Variants in CNTLN observed in about 807,000 individuals in gnomAD.
CNTLN encodes centlein, centrosomal protein.
In CNTLN, 212 loss-of-function variants were observed where a neutral mutation model predicts 180.0. The ratio of observed to expected loss-of-function variants is 1.18; its 90% CI spans 1.05 to 1.32. CNTLN has a LOEUF of 1.32. Among genes scored for constraint, CNTLN ranks in the 40% most tolerant of loss-of-function variants. CNTLN has a pLI of 0.00. For synonymous variants in CNTLN, 722 were observed against 563.1 expected, an observed-to-expected ratio of 1.28 and a Z score of -3.99; for missense variants, 2,095 against 1,610.9, an observed-to-expected ratio of 1.30 and a Z score of -5.14.
intron 2 of CNTLN, among the ~76,000 whole-genome samples, chr9:17,193,395 G>A (rs140821367): frequency 0.019 from 2,817 of 152,224 alleles, 56 homozygotes; most frequent in African/African-American, 0.048. Flanking sequence ...GATACAATGG[G>A]GGTACAGGTA....
intron 8 of CNTLN, among the ~76,000 whole-genome samples, chr9:17,328,819 T>C (rs1030851933): frequency 1.3e-5 from 2 of 152,160 alleles, no homozygotes; most frequent in Admixed American, 1.3e-4. Context: ...TGTGAAGTTC[T>C]CTGATTTTTT....
At chr9:17,464,651 A>G in intron 21 of CNTLN, 28 bp downstream of exon 21, 1 of 1,319,476 alleles carries the variant, frequency 7.6e-7, no homozygotes, top group Non-Finnish European at 1.0e-6. Flanking sequence ...TACTGACACT[A>G]AAAATATCAC....
At chr9:17,381,837 C>G (rs1377176751) in intron 13 of CNTLN, among the ~76,000 whole-genome samples, 3 of 152,130 alleles carry the variant, frequency 2.0e-5, no homozygotes, top group Non-Finnish European at 4.4e-5. Context: ...AATCCCAGTC[C>G]CAGGCTGAAG....
In CNTLN at chr9:17,135,099, T is replaced by G. The variant is rs1586873441; in HGVS notation, c.34T>G (p.Ser12Ala). Reference protein sequence around the residue: ...AARSPPSPHPSPPARQLGPRS... With the variant: ...AARSPPSPHPAPPARQLGPRS... ...GCGTTCGCCTCCCTCACCGCACCCT[T>G]CGCCCCCAGCGCGACAGCTGGGCCC... The change falls in exon 1 of 26, where the codon TCG becomes GCG. Residue 12 changes from serine to alanine, a missense_variant. Ser to Ala is a moderately conservative substitution (Grantham distance 99). Transcript: ENST00000380647. 1 of 1,605,118 alleles carries G rather than the reference T, an allele frequency of 6.2e-7. No individual in the cohort carries two copies. The highest frequency in any genetic ancestry group is 1.8e-4 in the Middle Eastern group (1 of 5,470).
chr9:17,416,346 G>A (rs189177411), intron 18 of CNTLN, among the ~76,000 whole-genome samples, 157 bp downstream of exon 18: 165 of 152,254 alleles, frequency 1.1e-3, no homozygotes, highest in African/African-American at 3.6e-3. Flanking sequence ...TTAATTACTG[G>A]ACTTCTTTAA....
chr9:17,219,857 C>CT (rs1281611793), intron 2 of CNTLN, among the ~76,000 whole-genome samples: 1 of 151,974 alleles, frequency 6.6e-6, no homozygotes, highest in Non-Finnish European at 1.5e-5. Context: ...AAATGGCTGC[C>CT]TTTTTGTTGT....
Position 17,502,689 on chromosome 9 carries a change from T to A in CNTLN, c.*37T>A. ...AGAGCTTTATTGCAAATGTGAAAAC[T>A]TTTTATGTGGTGTGATTGGAATACA... On this transcript the variant is annotated 3_prime_UTR_variant, in exon 26 of 26. Transcript: ENST00000380647. 1.2e-6 allele frequency: 1 copy of A among 814,182 alleles called. No individual in the cohort carries two copies. Among genetic ancestry groups the A allele is most frequent in the Middle Eastern group, 2.4e-4 (1 of 4,202 alleles). 50.4% of individuals were successfully genotyped at this position (814,182 alleles called of 1,614,324 possible). A position where few individuals can be genotyped will look rare whatever the true frequency, so the allele number is the denominator to read the frequency against.
intron 6 of CNTLN, among the ~76,000 whole-genome samples, chr9:17,294,591 A>T (rs183616139): frequency 6.7e-6 from 1 of 149,752 alleles, no homozygotes; most frequent in African/African-American, 2.5e-5. Flanking sequence ...CCAAGTCCCC[A>T]CTAGACTCAG....
intron 23 of CNTLN, among the ~76,000 whole-genome samples, chr9:17,469,551 A>C (rs902169954): frequency 2.0e-4 from 30 of 151,790 alleles, no homozygotes; most frequent in African/African-American, 7.0e-4. Flanking sequence ...GCAGCATATC[A>C]TCAATGACTC....
chr9:17,147,573 T>C (rs189443509), intron 2 of CNTLN, among the ~76,000 whole-genome samples: 11 of 152,296 alleles, frequency 7.2e-5, no homozygotes, highest in African/African-American at 2.6e-4. Flanking sequence ...TATGAGTCTA[T>C]GCTTCTGTTT....
At chr9:17,316,084 C>G (rs1389397943) in intron 8 of CNTLN, among the ~76,000 whole-genome samples, 1 of 151,696 alleles carries the variant, frequency 6.6e-6, no homozygotes, top group Non-Finnish European at 1.5e-5. Flanking sequence ...CTCTTTAATT[C>G]TATCAGGTTT....
intron 2 of CNTLN, among the ~76,000 whole-genome samples, chr9:17,178,494 G>T (rs1050977279): frequency 1.3e-5 from 2 of 152,076 alleles, no homozygotes; most frequent in South Asian, 4.1e-4. Flanking sequence ...CGGGCTGCCC[G>T]GGATCCCACA....
At chr9:17,312,902 T>C (rs1160037485) in intron 8 of CNTLN, among the ~76,000 whole-genome samples, 1 of 152,180 alleles carries the variant, frequency 6.6e-6, no homozygotes, top group Non-Finnish European at 1.5e-5. Flanking sequence ...TTTCTATCAA[T>C]TGCTTTAGAA....
intron 2 of CNTLN, among the ~76,000 whole-genome samples, chr9:17,187,847 A>G (rs909754183): frequency 2.0e-5 from 3 of 151,620 alleles, no homozygotes; most frequent in Non-Finnish European, 3.0e-5. Flanking sequence ...CCTATGTAAT[A>G]TGTAACCAGA....
chr9:17,306,794 G>T (rs1818746684), intron 7 of CNTLN, among the ~76,000 whole-genome samples: 1 of 152,088 alleles, frequency 6.6e-6, no homozygotes, highest in South Asian at 2.1e-4. Context: ...GGATTAATTT[G>T]TACTGATTGG....
chr9:17,285,640 A>G (rs1587491501), intron 6 of CNTLN, among the ~76,000 whole-genome samples: 1 of 103,232 alleles, frequency 9.7e-6, no homozygotes. Context: ...AAGTGTTCCT[A>G]TTTCTCCACA....
chr9:17,227,362 G>A (rs1168280084), intron 3 of CNTLN, among the ~76,000 whole-genome samples: 1 of 151,834 alleles, frequency 6.6e-6, no homozygotes, highest in Non-Finnish European at 1.5e-5. Context: ...TATATAATCA[G>A]TATGTAATCA....
chr9:17,237,652 G>A (rs993106536), intron 5 of CNTLN, among the ~76,000 whole-genome samples: 2 of 152,042 alleles, frequency 1.3e-5, no homozygotes, highest in Admixed American at 6.6e-5. Context: ...TTTTATATAA[G>A]AGACTTAAAG....
intron 12 of CNTLN, among the ~76,000 whole-genome samples, chr9:17,360,373 A>T (rs527572015): frequency 3.3e-5 from 5 of 152,306 alleles, no homozygotes; most frequent in African/African-American, 1.2e-4. Context: ...TAGCTAAGGT[A>T]GAGGTCAGTG....
Sources: gnomAD v4.1 joint callset for allele counts (sites outside exome capture counted in the v4.1 genomes callset) on GRCh38, gnomAD v4.1.1 for gene constraint, MANE v1.5 for transcripts, NCBI Gene and HGNC (gene_info 2026-07-23, HGNC 2026-07-21) for gene names.